The following HNRNPC variants were observed in gnomAD, a reference collection of about 807,000 sequenced individuals.
HNRNPC encodes the protein heterogeneous nuclear ribonucleoproteins C1/C2.
In HNRNPC, 3 loss-of-function variants were observed where a neutral mutation model predicts 33.2. The ratio of observed to expected loss-of-function variants is 0.09; its 90% CI spans 0.04 to 0.23. The LOEUF is 0.23. Ranked by LOEUF, HNRNPC falls within the 10% of genes least tolerant of loss-of-function variation. HNRNPC has a pLI of 1.00. For missense variants in HNRNPC, 143 were observed against 366.7 expected (o/e 0.39, Z 4.98); for synonymous variants, 121 against 126.7 (o/e 0.96, Z 0.30).
chr14:21,224,380 A>C (rs956930866), intron 5 of HNRNPC, among the ~76,000 whole-genome samples: 5 of 152,202 alleles, frequency 3.3e-5, no homozygotes, highest in African/African-American at 1.2e-4. Flanking sequence ...CAGGTAGAAT[A>C]AAACCAGCAG....
intron 2 of HNRNPC, among the ~76,000 whole-genome samples, chr14:21,244,716 C>G (rs183815265): frequency 9.2e-5 from 14 of 152,174 alleles, no homozygotes; most frequent in African/African-American, 2.9e-4. Flanking sequence ...GTGTAGTTAC[C>G]CAATACCAAG....
chr14:21,267,220 T>TA (rs573982835), intron 1 of HNRNPC, among the ~76,000 whole-genome samples: 6 of 151,746 alleles, frequency 4.0e-5, no homozygotes, highest in South Asian at 4.2e-4. Context: ...AAATAGGTTT[T>TA]AAAAAAAAGT....
chr14:21,212,988 T>C lies in HNRNPC; in HGVS notation c.495A>G (p.Gly165=). Residue 165 remains glycine (G), a synonymous_variant, in exon 6 of 9, where the codon GGA becomes GGG. Coordinates refer to ENST00000553300, the MANE Select transcript of HNRNPC (RefSeq NM_004500.4). Reference sequence around the variant, plus strand: ...TTCCAGACTTGGAAGATCCCCGCTGTCCACTCTTAGAATTGAAGCCACTTT... The same window carrying C: ...TTCCAGACTTGGAAGATCCCCGCTGCCCACTCTTAGAATTGAAGCCACTTT... ...RGKSGFNSKS[G]QRGSSKSGKL... 1 of 1,613,996 alleles carries C rather than the reference T, an allele frequency of 6.2e-7. No homozygotes were observed. The highest frequency in any genetic ancestry group is 1.7e-4 in the Middle Eastern group (1 of 6,054).
At chr14:21,224,365 A>G (rs1273095430) in intron 5 of HNRNPC, among the ~76,000 whole-genome samples, 14 of 152,204 alleles carry the variant, frequency 9.2e-5, no homozygotes, top group Admixed American at 9.2e-4. Context: ...CATTCCTAGA[A>G]AAGTCAGGTA....
At chr14:21,267,138 T>C (rs1320465329) in intron 1 of HNRNPC, among the ~76,000 whole-genome samples, 1 of 149,540 alleles carries the variant, frequency 6.7e-6, no homozygotes, top group Admixed American at 6.7e-5. Context: ...CAAAACTGCT[T>C]TTAATAAAAC....
chr14:21,215,763 T>A (rs1363390189), intron 5 of HNRNPC, among the ~76,000 whole-genome samples: 2 of 151,840 alleles, frequency 1.3e-5, no homozygotes, highest in Non-Finnish European at 2.9e-5. Context: ...CCGGGCATGG[T>A]GGCACACGCC....
intron 2 of HNRNPC, among the ~76,000 whole-genome samples, chr14:21,240,171 G>C (rs957001639): frequency 6.6e-6 from 1 of 152,140 alleles, no homozygotes; most frequent in Non-Finnish European, 1.5e-5. Context: ...ATAGTAGTGG[G>C]AAGGACAAGA....
intron 5 of HNRNPC, among the ~76,000 whole-genome samples, chr14:21,228,280 T>C (rs114852709): frequency 1.7e-3 from 254 of 152,364 alleles, no homozygotes; most frequent in African/African-American, 5.7e-3. Context: ...CATTAGGTCA[T>C]TACCAAGGTC....
intron 5 of HNRNPC, among the ~76,000 whole-genome samples, chr14:21,229,733 TTA>T (rs1195990118): frequency 1.3e-5 from 2 of 152,212 alleles, no homozygotes; most frequent in African/African-American, 4.8e-5. Flanking sequence ...GACTGAATTG[TTA>T]TATACAGTAA....
intron 5 of HNRNPC, among the ~76,000 whole-genome samples, chr14:21,228,094 A>T (rs1466856262): frequency 6.6e-6 from 1 of 152,234 alleles, no homozygotes; most frequent in Non-Finnish European, 1.5e-5. Flanking sequence ...TGGCATGAGT[A>T]TATTTTAAAT....
chr14:21,228,120 C>T (rs571948752), intron 5 of HNRNPC, among the ~76,000 whole-genome samples: 3 of 152,276 alleles, frequency 2.0e-5, no homozygotes, highest in African/African-American at 7.2e-5. Context: ...CAAGCAATTA[C>T]CATGTGCAGA....
At chr14:21,237,396 C>T (rs1270063550) in intron 2 of HNRNPC, among the ~76,000 whole-genome samples, 3 of 152,176 alleles carry the variant, frequency 2.0e-5, no homozygotes, top group Non-Finnish European at 2.9e-5. Context: ...GTTTAAGAAT[C>T]CACAGTATTA....
intron 5 of HNRNPC, among the ~76,000 whole-genome samples, chr14:21,215,916 AGGAAG>A (rs1892112595): frequency 7.3e-6 from 1 of 136,518 alleles, no homozygotes; most frequent in African/African-American, 2.8e-5. Context: ...AAAAAAAGAA[AGGAAG>A]AAAGAAAGAA....
chr14:21,218,679 CT>C (rs1892479580), intron 5 of HNRNPC, among the ~76,000 whole-genome samples: 1 of 18,294 alleles, frequency 5.5e-5, no homozygotes, highest in African/African-American at 2.8e-4. Flanking sequence ...GAAACTCTCT[CT>C]CAAAAAAAAA....
At chr14:21,231,159 T>C (rs1049868685) in intron 3 of HNRNPC, 87 bp from the exon 4 acceptor site, 61 of 1,322,618 alleles carry the variant, frequency 4.6e-5, no homozygotes, top group African/African-American at 2.9e-4. Flanking sequence ...TTTTGAGACA[T>C]AGTTTCGCTT....
rs965683275 is a variant in HNRNPC, at chr14:21,209,848, G to C, written c.*1375C>G. The C allele has an allele frequency of 6.6e-6, 1 of 152,130 alleles. No homozygotes were observed. The highest frequency in any genetic ancestry group is 1.5e-5 in the Non-Finnish European group (1 of 68,024). The allele number at this position is 152,130 out of a possible 1,614,324, so 9.4% of individuals were successfully genotyped here. On this transcript the variant is annotated 3_prime_UTR_variant, in exon 9 of 9. Coordinates refer to ENST00000553300, the MANE Select transcript of HNRNPC (RefSeq NM_004500.4). The stretch of plus-strand genomic sequence containing the variant: ...AATGAACTAAGCCTTTCAAGGATGA[G>C]GTATCACCAACACTGGTAGCTGTTT...
chr14:21,261,517 T>C (rs763328476), intron 2 of HNRNPC, among the ~76,000 whole-genome samples: 8 of 152,322 alleles, frequency 5.3e-5, no homozygotes, highest in Non-Finnish European at 8.8e-5. Flanking sequence ...TCACTTTAAC[T>C]AGATTTCACT....
intron 5 of HNRNPC, among the ~76,000 whole-genome samples, chr14:21,220,471 C>A (rs10141268): frequency 2.6e-5 from 4 of 152,130 alleles, no homozygotes; most frequent in Non-Finnish European, 5.9e-5. Flanking sequence ...CCAGGTGATC[C>A]GCTCGCCTCG....
chr14:21,215,606 G>C (rs527949097), intron 5 of HNRNPC, among the ~76,000 whole-genome samples: 1 of 152,252 alleles, frequency 6.6e-6, no homozygotes, highest in South Asian at 2.1e-4. Flanking sequence ...AACAGATTAA[G>C]ACAAAATACA....
Sources: allele counts gnomAD v4.1 joint callset (sites outside exome capture counted in the v4.1 genomes callset), GRCh38; gene constraint gnomAD v4.1.1; transcripts MANE v1.5; gene names NCBI Gene and HGNC (gene_info 2026-07-23, HGNC 2026-07-21).